AURKC: variants seen among roughly 807,000 people sequenced by gnomAD.
The protein encoded by AURKC is ARK-3.
Under a neutral mutation model 29.2 loss-of-function variants are expected in AURKC, and 15 were observed. The ratio of observed to expected loss-of-function variants is 0.51; its 90% CI spans 0.34 to 0.79. AURKC has a LOEUF of 0.79. Among genes scored for constraint, AURKC ranks in the 30% least tolerant of loss-of-function variants. The pLI, the probability that AURKC is intolerant of heterozygous loss-of-function variation, is 0.01. For missense variants in AURKC, 332 were observed against 383.2 expected, an observed-to-expected ratio of 0.87 and a Z score of 1.12; for synonymous variants, 150 against 149.9, an observed-to-expected ratio of 1.00 and a Z score of -0.01.
chr19:57,231,616 C>T (rs952406203), intron 1 of AURKC, 126 bp from the exon 2 acceptor site: 2 of 1,018,706 alleles, frequency 2.0e-6, no homozygotes, highest in Admixed American at 2.0e-5. Flanking sequence ...TCTTTCTCTC[C>T]TCCCCTTCTT....
rs748559592 is a variant in AURKC at position 57,231,992 on chromosome 19, C to T, written c.105-41C>T. The T allele has an allele frequency of 1.9e-6, 3 of 1,613,212 alleles. No individual in the cohort carries two copies. In the South Asian group the frequency reaches 3.3e-5, roughly 18 times the overall value. On this transcript the variant is annotated intron_variant, in intron 2 of 6. Coordinates refer to ENST00000302804, the MANE Select transcript of AURKC (RefSeq NM_001015878.2). ...ATCCCTGACTTTCCCTCCGCCTACC[C>T]TACCTCCCAAGCTGAGGCTTTTTTC...
Position 57,235,291 on chromosome 19 carries a change from C to A in AURKC, c.804C>A (p.Asp268Glu), listed in dbSNP as rs1157230144. 1 of 1,614,072 alleles carries A rather than the reference C, an allele frequency of 6.2e-7. No homozygotes were observed. The highest frequency in any genetic ancestry group is 2.2e-5 in the East Asian group (1 of 44,896). ...FPLSMPLGAR[D>E]LISRLLRYQP... Reference sequence around the variant, plus strand: ...TATCAATGCCTCTGGGGGCCCGGGACTTGATTTCCAGGCTTCTCAGATACC... The same window carrying A: ...TATCAATGCCTCTGGGGGCCCGGGAATTGATTTCCAGGCTTCTCAGATACC... Residue 268 changes from aspartate to glutamate, a missense_variant, in exon 7 of 7, where the codon GAC (aspartate) becomes GAA (glutamate). By Grantham distance (45) the Asp-to-Glu change is conservative. Transcript: ENST00000302804.
In AURKC at chr19:57,233,591, G is replaced by A; in HGVS notation, c.567G>A (p.Val189=). Residue 189 remains valine, a synonymous_variant, in exon 5 of 7, where the codon GTG becomes GTA. Transcript: ENST00000302804. Reference sequence around the variant, plus strand: ...AGATTGCAGATTTTGGCTGGTCTGTGCACACCCCCTCCCTGAGGTAGGTCA... The same window carrying A: ...AGATTGCAGATTTTGGCTGGTCTGTACACACCCCCTCCCTGAGGTAGGTCA... ...EVKIADFGWS[V]HTPSLRRKTM... is the part of the protein sequence containing the mutation. 1 of 1,613,892 alleles carries A rather than the reference G, an allele frequency of 6.2e-7. No homozygotes were observed. The highest frequency in any genetic ancestry group is 8.5e-7 in the Non-Finnish European group (1 of 1,180,026).
chr19:57,231,965 G>T, intron 2 of AURKC, 68 bp from the exon 3 acceptor site: 1 of 1,606,542 alleles, frequency 6.2e-7, no homozygotes, highest in Non-Finnish European at 8.5e-7. Context: ...GGGAGCATTG[G>T]CATCCCTGAC....
In AURKC at chr19:57,231,607, CTT is replaced by C. The variant is rs1313500569; in HGVS notation, c.59-133_59-132del. The C allele has an allele frequency of 6.3e-6, 6 of 952,798 alleles. No individual in the cohort carries two copies. In the East Asian group the frequency reaches 7.9e-5, roughly 13 times the overall value. 59.0% of individuals were successfully genotyped at this position (952,798 alleles called of 1,614,324 possible). On this transcript the variant is annotated intron_variant, in intron 1 of 6. Coordinates refer to ENST00000302804, the MANE Select transcript of AURKC (RefSeq NM_001015878.2). ...CTCTCCCTGCCTTCCCCTTCCCTCT[CTT>C]TCTCTCCTCCCCTTCTTCCCCTCAC...
chr19:57,234,112 CAAT>C (rs2087522768), intron 5 of AURKC, among the ~76,000 whole-genome samples: 3 of 136,702 alleles, frequency 2.2e-5, no homozygotes, highest in Non-Finnish European at 4.6e-5. Context: ...GGCTAGATTG[CAAT>C]AGTGTGATCT....
In AURKC at chr19:57,231,195, G is replaced by A; in HGVS notation, c.-54G>A. On this transcript the variant is annotated 5_prime_UTR_variant, in exon 1 of 7. Coordinates refer to ENST00000302804, the MANE Select transcript of AURKC (RefSeq NM_001015878.2). ...ACCCCTTTCAGGACCCTGTGAACGGGAACAGCCATCCAGAGGGTTCAGGAA... is the reference window on the plus strand; with the variant it reads ...ACCCCTTTCAGGACCCTGTGAACGGAAACAGCCATCCAGAGGGTTCAGGAA... 1 of 1,551,602 alleles carries A rather than the reference G, an allele frequency of 6.4e-7. No individual in the cohort carries two copies. The highest frequency in any genetic ancestry group is 1.2e-5 in the South Asian group (1 of 84,058).
intron 1 of AURKC, chr19:57,231,528 C>G: frequency 1.4e-6 from 1 of 740,218 alleles, no homozygotes; most frequent in Non-Finnish European, 2.3e-6. Flanking sequence ...TCACCTCCTC[C>G]TCCCCTCCCT....
At position 57,231,759 on chromosome 19, in the gene AURKC, A is replaced by ACAGCCCAGCAGCCCAG; in HGVS notation, c.86_101dup (p.Met35AlafsTer13). On this transcript the variant is annotated frameshift_variant, in exon 2 of 7. Transcript: ENST00000302804. LOFTEE classifies it high-confidence loss of function. ...TCTTTCAGTGGCTACAGCAAACCAA[A>ACAGCCCAGCAGCCCAG]CAGCCCAGCAGCCCAGCAGCCCAGC... is the stretch of plus-strand genomic sequence containing the variant. 1 of 1,613,440 alleles carries ACAGCCCAGCAGCCCAG rather than the reference A, an allele frequency of 6.2e-7. No homozygotes were observed. The highest frequency in any genetic ancestry group is 8.5e-7 in the Non-Finnish European group (1 of 1,179,904).
intron 5 of AURKC, 46 bp from the exon 6 acceptor site, chr19:57,234,838 C>CCTGGGCCT (rs753195762): frequency 3.1e-5 from 50 of 1,610,994 alleles, no homozygotes; most frequent in Non-Finnish European, 4.1e-5. Context: ...TTTCCCTCAT[C>CCTGGGCCT]CTGGGCCTCT....
rs776475472 is a variant in AURKC at position 57,235,002 on chromosome 19, G to A, written c.703G>A (p.Gly235Arg). ...IGVLCYELLV[G>R]YPPFESASHS... The stretch of plus-strand genomic sequence containing the variant: ...AGTGCTCTGCTATGAGCTGCTGGTG[G>A]GATATCCACCCTTTGAGAGCGCCTC... Residue 235 changes from glycine (G) to arginine (R), a missense_variant, in exon 6 of 7, where the codon GGA (glycine) becomes AGA (arginine). Gly to Arg is a moderately radical substitution (Grantham distance 125, BLOSUM62 -2). Transcript: ENST00000302804. The A allele has an allele frequency of 2.5e-6, 4 of 1,614,008 alleles. No individual in the cohort carries two copies. The African/African-American group carries it at 4.0e-5, about 16-fold the overall frequency.
chr19:57,234,532 A>C (rs746284751), intron 5 of AURKC, among the ~76,000 whole-genome samples: 2 of 152,106 alleles, frequency 1.3e-5, no homozygotes, highest in Non-Finnish European at 2.9e-5. Context: ...TGTATGAATG[A>C]TTTTCATACA....
intron 6 of AURKC, 80 bp downstream of exon 6, chr19:57,235,138 GT>G: frequency 6.2e-7 from 1 of 1,607,430 alleles, no homozygotes; most frequent in South Asian, 1.1e-5. Context: ...CACACACAGG[GT>G]TGTCTTCTGT....
In AURKC at chr19:57,232,034, C is replaced by G; in HGVS notation, c.106C>G (p.Arg36Gly). Residue 36 changes from arginine to glycine, a missense_variant and splice_region_variant, in exon 3 of 7, where the codon CGG becomes GGG. By Grantham distance (125) the Arg-to-Gly change is moderately radical. Coordinates refer to ENST00000302804, the MANE Select transcript of AURKC (RefSeq NM_001015878.2). This position sits in a 1 kb window ranked among gnomAD's most constrained non-coding sequence, Gnocchi z 4.5. ...GCTTTTTTCTTCCTCTCCTGTCAGGCGGCGCCTCACAGTCGATGACTTTGA... is the reference window on the plus strand; with the variant it reads ...GCTTTTTTCTTCCTCTCCTGTCAGGGGGCGCCTCACAGTCGATGACTTTGA... ...TAQQPSSPAM[R>G]RLTVDDFEIG... 6.2e-7 allele frequency: 1 copy of G among 1,614,054 alleles called. No individual in the cohort carries two copies. The highest frequency in any genetic ancestry group is 8.5e-7 in the Non-Finnish European group (1 of 1,180,022).
rs990631555 is a variant in AURKC, at chr19:57,231,274, A to C, written c.26A>C (p.Gln9Pro). The change falls in exon 1 of 7, where the codon CAG (glutamine) becomes CCG (proline). Residue 9 changes from glutamine to proline, a missense_variant. Transcript: ENST00000302804. ...ATGAGCTCCCCCAGAGCTGTGGTGC[A>C]GCTGGGCAAAGCTCAACCTGCAGGC... is the stretch of plus-strand genomic sequence containing the variant. MSSPRAVV[Q>P]LGKAQPAGEE... The C allele has an allele frequency of 9.0e-6, 14 of 1,552,604 alleles. No homozygotes were observed. The highest frequency in any genetic ancestry group is 1.2e-5 in the Non-Finnish European group (14 of 1,147,472).
At position 57,233,047 on chromosome 19, in the gene AURKC, C is replaced by T. The variant is rs114852368; in HGVS notation, c.435+367C>T. On this transcript the variant is annotated intron_variant, in intron 4 of 6. Coordinates refer to ENST00000302804, the MANE Select transcript of AURKC (RefSeq NM_001015878.2). Reference sequence around the variant, plus strand: ...GTACAAAGAGATTTCTAGAGGGTTCCGGAAAGGGAACCATGGCAATGATTT... The same window carrying T: ...GTACAAAGAGATTTCTAGAGGGTTCTGGAAAGGGAACCATGGCAATGATTT... Among the ~76,000 whole-genome samples the T allele has an allele frequency of 2.3e-3, 354 of 152,174 alleles. 3 individuals are homozygous for T. The highest frequency in any genetic ancestry group is 8.2e-3 in the African/African-American group (341 of 41,526).
chr19:57,234,095 T>C (rs1439906393), intron 5 of AURKC, among the ~76,000 whole-genome samples: 1 of 143,576 alleles, frequency 7.0e-6, no homozygotes, highest in African/African-American at 2.6e-5. Context: ...TTTGCTCTTG[T>C]TGCCCAGGCT....
At position 57,232,355 on chromosome 19, in the gene AURKC, C is replaced by T; in HGVS notation, c.296+131C>T. 1 of 1,396,040 alleles carries T rather than the reference C, an allele frequency of 7.2e-7. No individual in the cohort carries two copies. The highest frequency in any genetic ancestry group is 1.2e-5 in the South Asian group (1 of 84,010). 86.5% of individuals were successfully genotyped at this position (1,396,040 alleles called of 1,614,324 possible). A position where few individuals can be genotyped will look rare whatever the true frequency, so the allele number is the denominator to read the frequency against. ...CTGCAGTTCATTCCATTTACACTACCTCCTACCCTGGGTCAGACACTCGAA... is the reference window on the plus strand; with the variant it reads ...CTGCAGTTCATTCCATTTACACTACTTCCTACCCTGGGTCAGACACTCGAA... On this transcript the variant is annotated intron_variant, in intron 3 of 6. Coordinates refer to ENST00000302804, the MANE Select transcript of AURKC (RefSeq NM_001015878.2). This position sits in a 1 kb window ranked among gnomAD's most constrained non-coding sequence, Gnocchi z 4.5.
At position 57,232,021 on chromosome 19, in the gene AURKC, C is replaced by T. The variant is rs747256633; in HGVS notation, c.105-12C>T. 2 of 1,614,026 alleles carry T rather than the reference C, an allele frequency of 1.2e-6. No homozygotes were observed. The highest frequency in any genetic ancestry group is 1.7e-6 in the Non-Finnish European group (2 of 1,180,004). ...CTCCCAAGCTGAGGCTTTTTTCTTC[C>T]TCTCCTGTCAGGCGGCGCCTCACAG... On this transcript the variant is annotated splice_polypyrimidine_tract_variant and intron_variant, in intron 2 of 6. Coordinates refer to ENST00000302804, the MANE Select transcript of AURKC (RefSeq NM_001015878.2). This position sits in a 1 kb window ranked among gnomAD's most constrained non-coding sequence, Gnocchi z 4.5.
Sources: gnomAD v4.1 joint callset for allele counts (sites outside exome capture counted in the v4.1 genomes callset) on GRCh38, gnomAD v4.1.1 for gene constraint, Gnocchi (gnomAD v3.1) non-coding constraint, MANE v1.5 for transcripts, NCBI Gene and HGNC (gene_info 2026-07-23, HGNC 2026-07-21) for gene names.